Variants in ANOS1 observed in about 807,000 individuals in gnomAD.
ANOS1 encodes the protein anosmin-1.
Under a neutral mutation model 59.0 loss-of-function variants are expected in ANOS1, and 6 were observed. The ratio of observed to expected loss-of-function variants is 0.10; its 90% confidence interval spans 0.06 to 0.20. ANOS1 has a LOEUF of 0.20. ANOS1 is among the 10% of genes least tolerant of loss of function. The probability of loss-of-function intolerance (pLI) is 1.00; values close to 1 mark genes in which losing one functional copy is unlikely to be tolerated. For synonymous variants in ANOS1, 217 were observed against 223.4 expected (o/e 0.97, Z 0.25); for missense variants, 433 against 542.3 (o/e 0.80, Z 2.00).
intron 13 of ANOS1, among the ~76,000 whole-genome samples, chrX:8,533,400 A>G (rs746335311): frequency 8.9e-6 from 1 of 112,676 alleles, no homozygotes; most frequent in South Asian, 3.6e-4. Flanking sequence ...ATGAAGGAAT[A>G]TCAGAAAAGC....
intron 2 of ANOS1, among the ~76,000 whole-genome samples, chrX:8,637,480 G>A (rs2146855313): frequency 8.9e-6 from 1 of 111,867 alleles, no homozygotes; most frequent in East Asian, 2.8e-4. Context: ...AAGAAAAAAG[G>A]AGTAGCTCAC....
chrX:8,585,540 C>CA, intron 5 of ANOS1, 144 bp from the exon 6 acceptor site: 1 of 626,637 alleles, frequency 1.6e-6, no homozygotes, highest in East Asian at 3.4e-5. Context: ...TTATCATGCC[C>CA]AGTTATGAAG....
At chrX:8,541,384 C>T (rs808110) in intron 9 of ANOS1, among the ~76,000 whole-genome samples, 35,063 of 93,663 alleles carry the variant, frequency 0.37, 6,089 homozygotes, top group East Asian at 0.54. Flanking sequence ...GCCTGGGCAA[C>T]AAGAGCAAAA....
At chrX:8,598,299 T>C (rs1930779737) in intron 3 of ANOS1, among the ~76,000 whole-genome samples, 1 of 111,835 alleles carries the variant, frequency 8.9e-6, no homozygotes, top group South Asian at 3.7e-4. Flanking sequence ...CTGGACTTAT[T>C]AGAGGAATGC....
intron 2 of ANOS1, among the ~76,000 whole-genome samples, chrX:8,667,126 A>G (rs1932155802): frequency 8.9e-6 from 1 of 111,756 alleles, no homozygotes; most frequent in South Asian, 3.7e-4. Context: ...AGGCTGTCCC[A>G]TCAGGTGCTC....
At chrX:8,570,732 T>C (rs1930217671) in intron 6 of ANOS1, 28 bp from the exon 7 acceptor site, 7 of 1,148,168 alleles carry the variant, frequency 6.1e-6, no homozygotes, top group Non-Finnish European at 6.0e-6. Context: ...AGACACATCA[T>C]ATGACTCCAC....
In ANOS1 at chrX:8,732,069, G is replaced by A; in HGVS notation, c.-33C>T. The A allele has an allele frequency of 1.1e-6, 1 of 905,543 alleles. No individual in the cohort carries two copies. Among genetic ancestry groups the A allele is most frequent in the Non-Finnish European group, 1.4e-6 (1 of 730,721 alleles). The allele number at this position is 905,543 out of a possible 1,213,427, so 74.6% of individuals were successfully genotyped here. On this transcript the variant is annotated 5_prime_UTR_variant, in exon 1 of 14. Transcript: ENST00000262648. ...GGTCGAGGGCGAGGGCGAGGGCGCC[G>A]GGCGCGGGCCGAGGCTCCCTGCTCC...
intron 2 of ANOS1, among the ~76,000 whole-genome samples, chrX:8,694,075 T>C (rs1209601148): frequency 9.0e-6 from 1 of 111,530 alleles, no homozygotes; most frequent in African/African-American, 3.3e-5. Context: ...CTGGGAATTT[T>C]CTCAGTGAGC....
chrX:8,724,620 T>G (rs1362186888), intron 1 of ANOS1, among the ~76,000 whole-genome samples: 6 of 112,317 alleles, frequency 5.3e-5, no homozygotes, highest in Non-Finnish European at 9.4e-5. Context: ...CAAAGGTTAT[T>G]CCCTTAAAAG....
intron 1 of ANOS1, among the ~76,000 whole-genome samples, chrX:8,731,091 C>T (rs1932971967): frequency 1.8e-5 from 2 of 112,408 alleles, no homozygotes; most frequent in Non-Finnish European, 3.8e-5. Context: ...GGACGGTTCC[C>T]CCGGGACTCG....
At chrX:8,723,466 T>C (rs757277480) in intron 1 of ANOS1, among the ~76,000 whole-genome samples, 12 of 111,996 alleles carry the variant, frequency 1.1e-4, no homozygotes, top group Admixed American at 2.8e-4. Context: ...AAAAACATGC[T>C]CAACATCACT....
chrX:8,685,589 A>G (rs866577490), intron 2 of ANOS1, among the ~76,000 whole-genome samples: 1 of 73,553 alleles, frequency 1.4e-5, no homozygotes, highest in Non-Finnish European at 2.6e-5. Flanking sequence ...AAAGAAAGAG[A>G]AAGAAAGGAA....
At chrX:8,585,519 A>G in intron 5 of ANOS1, 123 bp from the exon 6 acceptor site, 1 of 766,368 alleles carries the variant, frequency 1.3e-6, no homozygotes, top group Non-Finnish European at 2.0e-6. Context: ...CTTCCCCCTG[A>G]TAAGAGGGGC....
chrX:8,654,450 C>T (rs1302316292), intron 2 of ANOS1, among the ~76,000 whole-genome samples: 4 of 112,350 alleles, frequency 3.6e-5, no homozygotes, highest in Admixed American at 9.4e-5. Context: ...TGACCTACTG[C>T]TAAAAATTCA....
At chrX:8,570,073 AC>A (rs1930199749) in intron 7 of ANOS1, among the ~76,000 whole-genome samples, 1 of 108,190 alleles carries the variant, frequency 9.2e-6, no homozygotes. Context: ...TAGATTACAG[AC>A]GGAAACACTT....
intron 3 of ANOS1, among the ~76,000 whole-genome samples, chrX:8,609,506 G>A (rs1030834824): frequency 9.0e-6 from 1 of 111,633 alleles, no homozygotes; most frequent in Admixed American, 9.6e-5. Context: ...ATGTTATTAC[G>A]AGGGTATTTT....
intron 2 of ANOS1, among the ~76,000 whole-genome samples, chrX:8,665,875 C>T (rs952438827): frequency 2.7e-5 from 3 of 111,757 alleles, no homozygotes; most frequent in African/African-American, 9.8e-5. Context: ...TTTCTTTACT[C>T]CAAGTCCTCC....
intron 1 of ANOS1, among the ~76,000 whole-genome samples, chrX:8,708,844 C>T (rs1356826599): frequency 8.9e-6 from 1 of 111,968 alleles, no homozygotes; most frequent in Non-Finnish European, 1.9e-5. Context: ...TTCACAATAG[C>T]AAAGACTTGG....
intron 1 of ANOS1, among the ~76,000 whole-genome samples, chrX:8,700,867 G>C (rs1013911260): frequency 3.6e-5 from 4 of 110,963 alleles, no homozygotes; most frequent in Admixed American, 9.7e-5. Context: ...AAATTAGCTG[G>C]GTGTGGTGGC....
Sources: gnomAD v4.1 joint callset for allele counts (sites outside exome capture counted in the v4.1 genomes callset) on GRCh38, gnomAD v4.1.1 for gene constraint, MANE v1.5 for transcripts, NCBI Gene and HGNC (gene_info 2026-07-23, HGNC 2026-07-21) for gene names.